Variants in SAMD12 observed in about 807,000 individuals in gnomAD.
SAMD12 encodes the protein sterile alpha motif domain-containing protein 12.
SAMD12 carries 9 observed loss-of-function variants against 15.0 expected under a neutral mutation model. The observed-to-expected ratio is 0.60, with a 90% CI of 0.36 to 1.05. The LOEUF is 1.05. SAMD12 is among the 50% of genes least tolerant of loss of function. The pLI is 0.01. For synonymous variants in SAMD12, 86 were observed against 90.1 expected (o/e 0.96, Z 0.25); for missense variants, 230 against 234.2 (o/e 0.98, Z 0.12).
intron 4 of SAMD12, among the ~76,000 whole-genome samples, chr8:118,201,172 G>T (rs1419871608): frequency 1.3e-5 from 2 of 152,304 alleles, no homozygotes; most frequent in East Asian, 1.9e-4. Context: ...TGAAAAGGGG[G>T]AAATATGTGG....
intron 3 of SAMD12, among the ~76,000 whole-genome samples, chr8:118,427,948 G>A (rs77860627): frequency 0.02 from 3,088 of 152,196 alleles, 54 homozygotes; most frequent in Middle Eastern, 0.041. Flanking sequence ...GGTATGGCTT[G>A]GTATGGGAAT....
At chr8:118,337,966 T>C (rs1231475577) in intron 4 of SAMD12, among the ~76,000 whole-genome samples, 3 of 152,228 alleles carry the variant, frequency 2.0e-5, no homozygotes, top group African/African-American at 7.2e-5. Flanking sequence ...ATGCATACTA[T>C]ACATAGGATG....
intron 2 of SAMD12, among the ~76,000 whole-genome samples, chr8:118,542,964 G>A (rs1456301515): frequency 6.6e-6 from 1 of 151,772 alleles, no homozygotes; most frequent in Non-Finnish European, 1.5e-5. Context: ...ACATAAAAGA[G>A]GGAATGGAAG....
At chr8:118,436,149 C>T (rs1586715277) in intron 3 of SAMD12, among the ~76,000 whole-genome samples, 1 of 147,828 alleles carries the variant, frequency 6.8e-6, no homozygotes, top group Non-Finnish European at 1.5e-5. Flanking sequence ...ACAATTTTTT[C>T]CTACATGGAT....
chr8:118,199,840 G>A (rs1051281622), intron 4 of SAMD12, among the ~76,000 whole-genome samples: 3 of 152,164 alleles, frequency 2.0e-5, no homozygotes, highest in Admixed American at 6.5e-5. Flanking sequence ...AAGCCCAGAA[G>A]TATTATTAAC....
In SAMD12 at chr8:118,225,407, C is replaced by T. The variant is rs531445805; in HGVS notation, c.434-27675G>A. The stretch of plus-strand genomic sequence containing the variant: ...TCCATTAAGTTTGCAGAGGACGTGG[C>T]CTCACTTCCCAAATGCTGCCAGCAA... On this transcript the variant is annotated intron_variant, in intron 4 of 4. Coordinates refer to the SAMD12 transcript ENST00000409003. Among the ~76,000 whole-genome samples, 27 of 152,242 alleles carry T rather than the reference C, an allele frequency of 1.8e-4. 2 individuals are homozygous for T. The South Asian group carries it at 5.6e-3, about 32-fold the overall frequency.
intron 2 of SAMD12, among the ~76,000 whole-genome samples, chr8:118,551,743 T>A (rs569145863): frequency 0.03 from 4,566 of 150,108 alleles, 98 homozygotes; most frequent in Non-Finnish European, 0.043. Flanking sequence ...CAGGAGCTGG[T>A]TTTTTGAAAG....
At chr8:118,230,999 G>A (rs1812299787) in intron 4 of SAMD12, among the ~76,000 whole-genome samples, 1 of 152,140 alleles carries the variant, frequency 6.6e-6, no homozygotes, top group African/African-American at 2.4e-5. Flanking sequence ...CTTATTATAA[G>A]AGGGCAACAG....
intron 2 of SAMD12, among the ~76,000 whole-genome samples, chr8:118,555,293 T>C (rs1288353045): frequency 6.6e-6 from 1 of 152,222 alleles, no homozygotes; most frequent in Non-Finnish European, 1.5e-5. Context: ...TTCTTTGTTT[T>C]CTTTAAATCG....
intron 2 of SAMD12, among the ~76,000 whole-genome samples, chr8:118,560,743 C>CA (rs1441679780): frequency 6.6e-6 from 1 of 151,900 alleles, no homozygotes; most frequent in African/African-American, 2.4e-5. Context: ...TTATTATAAC[C>CA]AGTGAATATG....
At chr8:118,521,206 A>C (rs1266326677) in intron 2 of SAMD12, among the ~76,000 whole-genome samples, 1 of 152,070 alleles carries the variant, frequency 6.6e-6, no homozygotes, top group Non-Finnish European at 1.5e-5. Context: ...CACATTTCTA[A>C]ACATCCATCA....
chr8:118,530,194 C>A (rs1223272497), intron 2 of SAMD12, among the ~76,000 whole-genome samples: 1 of 152,048 alleles, frequency 6.6e-6, no homozygotes, highest in Non-Finnish European at 1.5e-5. Flanking sequence ...CTGTTCATGT[C>A]CTTTGCCTAC....
intron 2 of SAMD12, among the ~76,000 whole-genome samples, chr8:118,558,335 C>T (rs1425763275): frequency 6.6e-6 from 1 of 152,090 alleles, no homozygotes; most frequent in African/African-American, 2.4e-5. Flanking sequence ...TTAATACTTT[C>T]TTCTATGATT....
At chr8:118,577,925 A>T (rs1827192140) in intron 2 of SAMD12, among the ~76,000 whole-genome samples, 1 of 152,178 alleles carries the variant, frequency 6.6e-6, no homozygotes, top group African/African-American at 2.4e-5. Context: ...ACAATCTGAA[A>T]AGGGCTTTAA....
chr8:118,295,020 TAGAA>T lies in SAMD12; in HGVS notation c.433+84536_433+84539del, dbSNP rs755404397. On this transcript the variant is annotated intron_variant, in intron 4 of 4. Coordinates refer to the SAMD12 transcript ENST00000409003. ...CGCTTTAGTTCACAGTGCTGGCAGT[TAGAA>T]AGAAGAAAACAAACTTCTTTTTTTT... Among the ~76,000 whole-genome samples the T allele has an allele frequency of 7.2e-5, 11 of 152,306 alleles. No homozygotes were observed. The South Asian group carries it at 2.1e-3, about 29-fold the overall frequency.
intron 3 of SAMD12, among the ~76,000 whole-genome samples, chr8:118,419,277 C>CTTT (rs11461750): frequency 7.9e-5 from 12 of 151,482 alleles, no homozygotes; most frequent in African/African-American, 2.7e-4. Context: ...GTCAATTTTT[C>CTTT]TTTTTTTTGT....
rs548857804 is a variant in SAMD12 at position 118,251,354 on chromosome 8, G to A, written c.434-53622C>T. 2.9e-3 allele frequency among the ~76,000 whole-genome samples: 434 copies of A among 152,152 alleles called. 4 individuals carry two copies. Among genetic ancestry groups the A allele is most frequent in the African/African-American group, 1.0e-2 (414 of 41,526 alleles). On this transcript the variant is annotated intron_variant, in intron 4 of 4. Transcript: ENST00000409003. ...GCATCTCAAATGATAGCAGAATCCC[G>A]TTGCTGCAATCAGGGCATCAAAGCC...
intron 1 of SAMD12, among the ~76,000 whole-genome samples, chr8:118,595,526 G>GA (rs919144111): frequency 2.6e-5 from 4 of 151,776 alleles, no homozygotes; most frequent in Non-Finnish European, 4.4e-5. Flanking sequence ...AGGGAGAAGG[G>GA]AAAAAAAATC....
At chr8:118,531,265 T>G (rs1825676535) in intron 2 of SAMD12, among the ~76,000 whole-genome samples, 1 of 152,190 alleles carries the variant, frequency 6.6e-6, no homozygotes, top group Admixed American at 6.5e-5. Context: ...TTCTGAGGCT[T>G]CTATTCTGTT....
Sources: gnomAD v4.1 joint callset for allele counts (sites outside exome capture counted in the v4.1 genomes callset) on GRCh38, gnomAD v4.1.1 for gene constraint, MANE v1.5 for transcripts, NCBI Gene and HGNC (gene_info 2026-07-23, HGNC 2026-07-21) for gene names.